The following SYNPR variants were observed in gnomAD, a reference collection of about 807,000 sequenced individuals.
The protein encoded by SYNPR is synaptoporin.
A neutral mutation model predicts 32.9 loss-of-function variants in SYNPR; 23 were observed. That is an observed-to-expected ratio of 0.70 (90% CI 0.50 to 0.99). The LOEUF is 0.99. Ranked by LOEUF, SYNPR falls within the 50% of genes least tolerant of loss-of-function variation. The probability of loss-of-function intolerance (pLI) is 0.00; values close to 1 mark genes in which losing one functional copy is unlikely to be tolerated. For synonymous variants in SYNPR, 146 were observed against 135.9 expected (o/e 1.07, Z -0.52); for missense variants, 318 against 349.3 (o/e 0.91, Z 0.71).
chr3:63,328,988 C>G (rs1304364348), intron 2 of SYNPR, among the ~76,000 whole-genome samples: 1 of 152,136 alleles, frequency 6.6e-6, no homozygotes, highest in Non-Finnish European at 1.5e-5. Context: ...TAAGTCAAAT[C>G]TAGCCTGAGA....
chr3:63,430,437 G>C (rs1699972246), intron 2 of SYNPR, among the ~76,000 whole-genome samples: 1 of 151,230 alleles, frequency 6.6e-6, no homozygotes, highest in South Asian at 2.1e-4. Flanking sequence ...TTGGAAGATA[G>C]AAATAGATGT....
chr3:63,258,916 A>C (rs2086412380), intron 2 of SYNPR, among the ~76,000 whole-genome samples: 1 of 152,202 alleles, frequency 6.6e-6, no homozygotes, highest in South Asian at 2.1e-4. Context: ...ACAGAAATAC[A>C]AACTACCATC....
intron 3 of SYNPR, among the ~76,000 whole-genome samples, chr3:63,272,747 C>T (rs1406731110): frequency 1.3e-5 from 2 of 152,124 alleles, no homozygotes; most frequent in Non-Finnish European, 2.9e-5. Context: ...AGCTTTGTTT[C>T]TTCCCTGCTA....
chr3:63,567,116 T>A (rs1244201665), intron 4 of SYNPR, among the ~76,000 whole-genome samples: 1 of 152,140 alleles, frequency 6.6e-6, no homozygotes, highest in Non-Finnish European at 1.5e-5. Flanking sequence ...TATAGACAAA[T>A]GCAATCAGCC....
At chr3:63,301,334 G>A (rs968540395) in intron 2 of SYNPR, among the ~76,000 whole-genome samples, 1 of 152,052 alleles carries the variant, frequency 6.6e-6, no homozygotes, top group Non-Finnish European at 1.5e-5. Flanking sequence ...ATTTTGAGAA[G>A]CTATTTTTAA....
At chr3:63,604,468 A>C (rs1700089577) in intron 4 of SYNPR, among the ~76,000 whole-genome samples, 1 of 151,932 alleles carries the variant, frequency 6.6e-6, no homozygotes, top group Non-Finnish European at 1.5e-5. Context: ...TAACTTTTTG[A>C]TGTGGGTGTT....
chr3:63,260,834 C>G, intron 2 of SYNPR, among the ~76,000 whole-genome samples: 1 of 151,192 alleles, frequency 6.6e-6, no homozygotes, highest in South Asian at 2.1e-4. Flanking sequence ...TGACAAAGGG[C>G]TAATATCCAG....
chr3:63,449,324 G>A (rs1700338062), intron 2 of SYNPR, among the ~76,000 whole-genome samples: 1 of 151,856 alleles, frequency 6.6e-6, no homozygotes, highest in Admixed American at 6.6e-5. Context: ...AGATGCTAGG[G>A]CACAGAAATA....
chr3:63,398,619 A>G (rs2088248989), intron 2 of SYNPR, among the ~76,000 whole-genome samples: 1 of 151,962 alleles, frequency 6.6e-6, no homozygotes, highest in Non-Finnish European at 1.5e-5. Flanking sequence ...TCAGGAGGCT[A>G]AGGAAAGGAG....
intron 2 of SYNPR, among the ~76,000 whole-genome samples, chr3:63,407,766 G>C (rs940302875): frequency 6.6e-6 from 1 of 152,106 alleles, no homozygotes; most frequent in Admixed American, 6.6e-5. Flanking sequence ...AGTAGAAAGA[G>C]TTCTCAGAAG....
chr3:63,593,004 A>T (rs1481102614), intron 4 of SYNPR, among the ~76,000 whole-genome samples: 1 of 152,058 alleles, frequency 6.6e-6, no homozygotes, highest in Non-Finnish European at 1.5e-5. Flanking sequence ...ATTCGACCTC[A>T]GGACTGCCTG....
intron 2 of SYNPR, among the ~76,000 whole-genome samples, chr3:63,440,720 T>C (rs1449795092): frequency 1.3e-5 from 2 of 152,196 alleles, no homozygotes; most frequent in Non-Finnish European, 2.9e-5. Flanking sequence ...AACCCTTCAA[T>C]TTAAACTTGA....
chr3:63,250,233 T>C (rs1408373632), intron 1 of SYNPR, among the ~76,000 whole-genome samples: 6 of 152,176 alleles, frequency 3.9e-5, no homozygotes, highest in Non-Finnish European at 5.9e-5. Flanking sequence ...GTAATGGATA[T>C]GCTAATTGCT....
intron 2 of SYNPR, among the ~76,000 whole-genome samples, chr3:63,433,597 C>A (rs1007000495): frequency 6.6e-6 from 1 of 152,114 alleles, no homozygotes; most frequent in Non-Finnish European, 1.5e-5. Flanking sequence ...TAGTACTGCA[C>A]GCTTCGGTTC....
chr3:63,224,802 A>C (rs1028564156), upstream of SYNPR, among the ~76,000 whole-genome samples: 2 of 152,194 alleles, frequency 1.3e-5, no homozygotes, highest in African/African-American at 4.8e-5. Context: ...TGCCCTCCTC[A>C]GGCTATGCCT....
At chr3:63,265,041 C>T (rs896860469) in intron 2 of SYNPR, among the ~76,000 whole-genome samples, 10 of 151,988 alleles carry the variant, frequency 6.6e-5, no homozygotes, top group African/African-American at 2.4e-4. Context: ...CTCAGTTCTA[C>T]CCTATGAGAA....
At chr3:63,595,893 TTA>T (rs1205730562) in intron 4 of SYNPR, among the ~76,000 whole-genome samples, 2 of 75,616 alleles carry the variant, frequency 2.6e-5, no homozygotes, top group African/African-American at 4.4e-5. Context: ...ATATATAGTT[TTA>T]TATATATAGT....
At chr3:63,442,857 G>A (rs1382344638) in intron 2 of SYNPR, among the ~76,000 whole-genome samples, 2 of 152,048 alleles carry the variant, frequency 1.3e-5, no homozygotes, top group African/African-American at 4.8e-5. Context: ...ATTAAAATGA[G>A]GGCAATTTAT....
In SYNPR at chr3:63,478,268, C is replaced by T. The variant is rs574165421; in HGVS notation, c.85-2564C>T. Among the ~76,000 whole-genome samples, 7 of 152,232 alleles carry T rather than the reference C, an allele frequency of 4.6e-5. No homozygotes were observed. The South Asian group carries it at 1.0e-3, about 23-fold the overall frequency. On this transcript the variant is annotated intron_variant, in intron 2 of 5. Transcript: ENST00000478300. ...ATAATACCTTACTGTATATAAAGCA[C>T]TTAATATAAGATGAAAAGCCAAGGT...
Sources: allele counts gnomAD v4.1 joint callset (sites outside exome capture counted in the v4.1 genomes callset), GRCh38; gene constraint gnomAD v4.1.1; transcripts MANE v1.5; gene names NCBI Gene and HGNC (gene_info 2026-07-23, HGNC 2026-07-21).